The following CCDC171 variants were observed in gnomAD, a reference collection of about 807,000 sequenced individuals.
CCDC171 encodes coiled-coil domain-containing protein 171.
Under a neutral mutation model 168.2 loss-of-function variants are expected in CCDC171, and 177 were observed. The observed-to-expected ratio is 1.05, with a 90% CI of 0.93 to 1.19. CCDC171 has a LOEUF of 1.19. CCDC171 is among the 50% of genes most tolerant of loss of function. The pLI, the probability that CCDC171 is intolerant of heterozygous loss-of-function variation, is 0.00. For missense variants in CCDC171, 1,991 were observed against 1,539.0 expected (o/e 1.29, Z -4.91); for synonymous variants, 687 against 540.8 (o/e 1.27, Z -3.75).
chr9:15,614,675 T>C (rs1420623207), intron 6 of CCDC171, among the ~76,000 whole-genome samples: 2 of 152,190 alleles, frequency 1.3e-5, no homozygotes, highest in Non-Finnish European at 2.9e-5. Context: ...CCCCTCCCCC[T>C]TTAACATTAT....
intron 3 of CCDC171, among the ~76,000 whole-genome samples, chr9:16,011,577 G>C (rs530880371): frequency 6.6e-6 from 1 of 152,222 alleles, no homozygotes; most frequent in East Asian, 1.9e-4. Context: ...AGCAGAATGT[G>C]CATACTTTTT....
intron 20 of CCDC171, among the ~76,000 whole-genome samples, chr9:15,779,905 A>G (rs778821908): frequency 9.2e-5 from 14 of 152,202 alleles, no homozygotes; most frequent in South Asian, 2.1e-4. Flanking sequence ...TGCAGTTGGG[A>G]TAGTTATTAA....
intron 7 of CCDC171, among the ~76,000 whole-genome samples, chr9:15,647,350 G>T (rs9776097): frequency 0.44 from 66,981 of 151,904 alleles, 15,570 homozygotes; most frequent in East Asian, 0.76. Flanking sequence ...AATTACAGAA[G>T]CAAGAGCAAA....
chr9:15,588,986 A>T (rs1419313625), intron 4 of CCDC171, among the ~76,000 whole-genome samples: 4 of 151,538 alleles, frequency 2.6e-5, no homozygotes, highest in Non-Finnish European at 5.9e-5. Flanking sequence ...CTTGGATTAC[A>T]GGCGTGAGCC....
At chr9:15,774,655 C>T (rs988812151) in intron 18 of CCDC171, among the ~76,000 whole-genome samples, 1 of 152,166 alleles carries the variant, frequency 6.6e-6, no homozygotes, top group East Asian at 1.9e-4. Context: ...TACTTGCACA[C>T]GCATGTTGAT....
chr9:15,892,616 G>A (rs573537279), intron 24 of CCDC171, among the ~76,000 whole-genome samples: 49 of 151,902 alleles, frequency 3.2e-4, no homozygotes, highest in East Asian at 2.1e-3. Flanking sequence ...GTACAAAATC[G>A]GTGTGCAAAA....
At chr9:15,648,294 C>G (rs1320918608) in intron 7 of CCDC171, among the ~76,000 whole-genome samples, 7 of 152,174 alleles carry the variant, frequency 4.6e-5, no homozygotes, top group Non-Finnish European at 1.5e-5. Flanking sequence ...CAATATCATA[C>G]TGAATGAGCA....
intron 25 of CCDC171, among the ~76,000 whole-genome samples, chr9:15,950,445 CAGAAG>C (rs1829002543): frequency 6.6e-6 from 1 of 152,082 alleles, no homozygotes. Context: ...CTCTACAAGC[CAGAAG>C]AGAGTGGGTG....
chr9:15,559,303 T>A (rs1303791804), intron 1 of CCDC171, among the ~76,000 whole-genome samples: 1 of 152,164 alleles, frequency 6.6e-6, no homozygotes, highest in East Asian at 1.9e-4. Context: ...ACTTTCTGTC[T>A]CATTGATCTG....
chr9:15,906,212 C>G (rs1822576627), intron 24 of CCDC171, among the ~76,000 whole-genome samples: 1 of 152,152 alleles, frequency 6.6e-6, no homozygotes, highest in Admixed American at 6.5e-5. Flanking sequence ...CTGGCAGAGA[C>G]ACAACCCAAA....
the CCDC171 span, among the ~76,000 whole-genome samples, chr9:16,099,075 G>A: frequency 6.6e-6 from 1 of 152,212 alleles, no homozygotes; most frequent in African/African-American, 2.4e-5. Flanking sequence ...ATCAAATCCA[G>A]TTGATTCCAG....
chr9:16,012,150 C>G (rs1832886107), intron 3 of CCDC171, among the ~76,000 whole-genome samples: 2 of 152,146 alleles, frequency 1.3e-5, no homozygotes, highest in African/African-American at 4.8e-5. Context: ...CTGTGCTGCC[C>G]AAGGAGGGTT....
intron 1 of CCDC171, among the ~76,000 whole-genome samples, chr9:16,047,974 C>T (rs1341113164): frequency 2.6e-5 from 4 of 152,188 alleles, no homozygotes; most frequent in Non-Finnish European, 5.9e-5. Flanking sequence ...GAACCGATGG[C>T]TCTCAGAGAG....
rs1168916052 is a variant in CCDC171 at position 15,745,546 on chromosome 9, A to T, written c.2586A>T (p.Gln862His). The T allele has an allele frequency of 1.3e-6, 2 of 1,589,078 alleles. No individual in the cohort carries two copies. Reference sequence around the variant, plus strand: ...AAAAGGAGCAGTTGCGTTGTTTACAAGCGCTCAGTTGGCTCACCAGTTCTG... The same window carrying T: ...AAAAGGAGCAGTTGCGTTGTTTACATGCGCTCAGTTGGCTCACCAGTTCTG... ...KHQKEQLRCL[Q>H]ALSWLTSSDL... Residue 862 changes from glutamine (Q) to histidine (H), a missense_variant, in exon 18 of 26, where the codon CAA becomes CAT. By Grantham distance (24) the Gln-to-His change is conservative. Coordinates refer to ENST00000380701, the MANE Select transcript of CCDC171 (RefSeq NM_173550.4).
At chr9:15,774,238 G>A (rs913714657) in intron 18 of CCDC171, among the ~76,000 whole-genome samples, 7 of 99,666 alleles carry the variant, frequency 7.0e-5, no homozygotes, top group African/African-American at 2.5e-4. Context: ...AGAGCAAGAC[G>A]CTGTCTTTAA....
chr9:15,806,092 G>A (rs549130690), intron 21 of CCDC171, among the ~76,000 whole-genome samples: 3 of 151,906 alleles, frequency 2.0e-5, no homozygotes, highest in Non-Finnish European at 4.4e-5. Context: ...CTTGGTAAAC[G>A]TTTCTCCATC....
chr9:15,933,428 T>C (rs1826753615), intron 25 of CCDC171, among the ~76,000 whole-genome samples: 1 of 151,946 alleles, frequency 6.6e-6, no homozygotes, highest in Non-Finnish European at 1.5e-5. Context: ...TAAAGGTTTG[T>C]CAATTTTGTT....
chr9:16,008,614 C>T (rs529364762), intron 3 of CCDC171, among the ~76,000 whole-genome samples: 8 of 152,302 alleles, frequency 5.3e-5, no homozygotes, highest in African/African-American at 1.9e-4. Context: ...TTCTGGTCCC[C>T]TGTTCTTGCC....
intron 10 of CCDC171, among the ~76,000 whole-genome samples, chr9:15,690,403 T>C (rs967790934): frequency 3.9e-5 from 6 of 152,194 alleles, no homozygotes; most frequent in African/African-American, 1.4e-4. Context: ...GAATTTAGTA[T>C]ATGATAATGT....
Sources: gnomAD v4.1 joint callset for allele counts (sites outside exome capture counted in the v4.1 genomes callset) on GRCh38, gnomAD v4.1.1 for gene constraint, MANE v1.5 for transcripts, NCBI Gene and HGNC (gene_info 2026-07-23, HGNC 2026-07-21) for gene names.